The following NEUROD1 variants were observed in gnomAD, a reference collection of about 807,000 sequenced individuals.
NEUROD1 encodes the protein neuronal differentiation 1.
NEUROD1 carries 9 observed loss-of-function variants against 21.8 expected under a neutral mutation model. The observed-to-expected ratio is 0.41, with a 90% CI of 0.25 to 0.72. NEUROD1 has a LOEUF of 0.72. Among genes scored for constraint, NEUROD1 ranks in the 30% least tolerant of loss-of-function variants. NEUROD1 has a pLI of 0.31. For synonymous variants in NEUROD1, 199 were observed against 186.2 expected (o/e 1.07, Z -0.56); for missense variants, 434 against 468.8 (o/e 0.93, Z 0.69).
chr2:181,672,404 G>T (rs1045030949), downstream of NEUROD1, among the ~76,000 whole-genome samples: 1 of 152,336 alleles, frequency 6.6e-6, no homozygotes, highest in Non-Finnish European at 1.5e-5. Context: ...GTGCTCTTCA[G>T]TTCCCTTGGA....
Position 181,677,218 on chromosome 2 carries a change from GTTAAATTATT to G in NEUROD1, c.*562_*571del, listed in dbSNP as rs1248811153. 1 of 128,794 alleles carries G rather than the reference GTTAAATTATT, an allele frequency of 7.8e-6. No individual in the cohort carries two copies. Among genetic ancestry groups the G allele is most frequent in the East Asian group, 2.6e-4 (1 of 3,906 alleles). 8.0% of individuals were successfully genotyped at this position (128,794 alleles called of 1,614,324 possible). A position where few individuals can be genotyped will look rare whatever the true frequency, so the allele number is the denominator to read the frequency against. On this transcript the variant is annotated 3_prime_UTR_variant, in exon 2 of 2. Coordinates refer to ENST00000295108, the MANE Select transcript of NEUROD1 (RefSeq NM_002500.5). ...AGCACTTTTCTGCTGGTTTAAATTA[GTTAAATTATT>G]TTGTATAAATTAGATATAATTCTAC...
At chr2:181,672,372 A>T (rs955818350), downstream of NEUROD1, among the ~76,000 whole-genome samples, 1 of 152,230 alleles carries the variant, frequency 6.6e-6, no homozygotes, top group Non-Finnish European at 1.5e-5. Context: ...TGGTTAAGGC[A>T]ACAGGCTTTA....
At position 181,680,464 on chromosome 2, in the gene NEUROD1, T is replaced by C. The variant is rs1485327401; in HGVS notation, c.-46A>G. The C allele has an allele frequency of 1.3e-5, 2 of 152,328 alleles. No individual in the cohort carries two copies. Among genetic ancestry groups the C allele is most frequent in the Non-Finnish European group, 2.9e-5 (2 of 68,094 alleles). 9.4% of individuals were successfully genotyped at this position (152,328 alleles called of 1,614,324 possible). On this transcript the variant is annotated 5_prime_UTR_variant, in exon 1 of 2. Coordinates refer to ENST00000295108, the MANE Select transcript of NEUROD1 (RefSeq NM_002500.5). ...TAGTAGGTCCTGAGCAGTGATAGTCTCATAACCCTGGGGCCTCCGGACGCC... is the reference window on the plus strand; with the variant it reads ...TAGTAGGTCCTGAGCAGTGATAGTCCCATAACCCTGGGGCCTCCGGACGCC...
In NEUROD1 at chr2:181,677,995, G is replaced by A; in HGVS notation, c.866C>T (p.Pro289Leu). ...INGNFSFKHE[P>L]SAEFEKNYAF... ...ATAATTTTTCTCAAACTCGGCGGAC[G>A]GTTCGTGTTTGAAAGAGAAGTTGCC... The change falls in exon 2 of 2, where the codon CCG becomes CTG. Residue 289 changes from proline (P) to leucine (L), a missense_variant. Physicochemically the swap from Pro to Leu is moderately conservative, Grantham distance 98. Coordinates refer to ENST00000295108, the MANE Select transcript of NEUROD1 (RefSeq NM_002500.5). The A allele has an allele frequency of 6.2e-7, 1 of 1,614,180 alleles. No homozygotes were observed. The highest frequency in any genetic ancestry group is 2.2e-5 in the East Asian group (1 of 44,892).
chr2:181,672,529 T>C (rs891155975), downstream of NEUROD1, among the ~76,000 whole-genome samples: 3 of 152,196 alleles, frequency 2.0e-5, no homozygotes, highest in Non-Finnish European at 4.4e-5. Flanking sequence ...TAGAGATAGA[T>C]AGTTTAAAAT....
chr2:181,669,273 C>A (rs375527448), downstream of NEUROD1, among the ~76,000 whole-genome samples: 64 of 152,246 alleles, frequency 4.2e-4, no homozygotes, highest in African/African-American at 1.5e-3. Context: ...TACTTAGAGG[C>A]GTAGGGATGG....
chr2:181,678,388 C>A lies in NEUROD1; in HGVS notation c.473G>T (p.Arg158Leu). The A allele has an allele frequency of 6.2e-7, 1 of 1,614,180 alleles. No homozygotes were observed. Among genetic ancestry groups the A allele is most frequent in the Non-Finnish European group, 8.5e-7 (1 of 1,180,044 alleles). The change falls in exon 2 of 2, where the codon CGC (arginine) becomes CTC (leucine). Residue 158 changes from arginine (R) to leucine (L), a missense_variant. Transcript: ENST00000295108. The surrounding 1 kb of genome is among the most constrained non-coding windows in gnomAD (Gnocchi z 5.5). ...GACCAGGTCTGGGCTTTTGCCTGAGCGCAGGATCTCCGACAGAGCCCAGAT... is the reference window on the plus strand; with the variant it reads ...GACCAGGTCTGGGCTTTTGCCTGAGAGCAGGATCTCCGACAGAGCCCAGAT... ...NYIWALSEIL[R>L]SGKSPDLVSF...
At position 181,678,580 on chromosome 2, in the gene NEUROD1, G is replaced by A. The variant is rs754294933; in HGVS notation, c.281C>T (p.Ala94Val). The A allele has an allele frequency of 1.9e-6, 3 of 1,614,222 alleles. No individual in the cohort carries two copies. The highest frequency in any genetic ancestry group is 2.5e-6 in the Non-Finnish European group (3 of 1,180,046). ...RGPKKKKMTK[A>V]RLERFKLRRM... ...TCTCAATTTAAAACGCTCCAGGCGA[G>A]CCTTAGTCATCTTCTTCTTTTTGGG... Residue 94 changes from alanine to valine, a missense_variant, in exon 2 of 2, where the codon GCT becomes GTT. Coordinates refer to ENST00000295108, the MANE Select transcript of NEUROD1 (RefSeq NM_002500.5). This position sits in a 1 kb window ranked among gnomAD's most constrained non-coding sequence, Gnocchi z 5.5.
rs775767126 is a variant in NEUROD1, at chr2:181,678,039, G to A, written c.822C>T (p.Ser274=). ...AGTTGCCATTGATGCTGAGCGGCGG[G>A]CTGAGGGGTCCATCAAAGGAAGGGC... ...CTSPSFDGPL[S]PPLSINGNFS... is the part of the protein sequence containing the mutation. Residue 274 remains serine (S), a synonymous_variant, in exon 2 of 2, where the codon AGC becomes AGT. Coordinates refer to ENST00000295108, the MANE Select transcript of NEUROD1 (RefSeq NM_002500.5). The surrounding 1 kb of genome is among the most constrained non-coding windows in gnomAD (Gnocchi z 5.5). The A allele has an allele frequency of 6.2e-6, 10 of 1,614,216 alleles. No homozygotes were observed. In the South Asian group the frequency reaches 1.1e-4, roughly 18 times the overall value.
chr2:181,674,414 A>G (rs1200570504), downstream of NEUROD1, among the ~76,000 whole-genome samples: 1 of 152,194 alleles, frequency 6.6e-6, no homozygotes, highest in Non-Finnish European at 1.5e-5. Flanking sequence ...CAAACTGGGT[A>G]TAAGCATTAG....
At chr2:181,674,297 C>T (rs182860376), downstream of NEUROD1, among the ~76,000 whole-genome samples, 80 of 152,254 alleles carry the variant, frequency 5.3e-4, 1 homozygote, top group Non-Finnish European at 9.4e-4. Flanking sequence ...TTATTCATGA[C>T]AAGCATTAAA....
At chr2:181,671,452 C>T (rs1324995145) in exon 2 of NEUROD1, among the ~76,000 whole-genome samples, 1 of 151,370 alleles carries the variant, frequency 6.6e-6, no homozygotes, top group African/African-American at 2.4e-5. Context: ...TTTTTTGAGA[C>T]AGGGTCTCAC....
chr2:181,674,258 A>G (rs996471133), downstream of NEUROD1, among the ~76,000 whole-genome samples: 1 of 152,236 alleles, frequency 6.6e-6, no homozygotes, highest in Non-Finnish European at 1.5e-5. Context: ...TCGTGGCTCA[A>G]GATGAAGAAA....
At chr2:181,679,193 A>T (rs1336694130) in intron 1 of NEUROD1, among the ~76,000 whole-genome samples, 1 of 151,962 alleles carries the variant, frequency 6.6e-6, no homozygotes, top group Non-Finnish European at 1.5e-5. Flanking sequence ...CCGACAGGAT[A>T]ATGTGTGTGG....
chr2:181,677,788 C>T lies in NEUROD1; in HGVS notation c.*2G>A, dbSNP rs1347693477. ...CCCGGAAATGGTGAAACTGGCGTGC[C>T]TCTAATCATGAAATATGGCATTGAG... On this transcript the variant is annotated 3_prime_UTR_variant, in exon 2 of 2. Transcript: ENST00000295108. 2 of 1,614,010 alleles carry T rather than the reference C, an allele frequency of 1.2e-6. No individual in the cohort carries two copies. Among genetic ancestry groups the T allele is most frequent in the Non-Finnish European group, 1.7e-6 (2 of 1,180,038 alleles).
rs1688602853 is a variant in NEUROD1, at chr2:181,677,565, A to AT, written c.*224dup. 2.9e-6 allele frequency: 2 copies of AT among 691,474 alleles called. No homozygotes were observed. The highest frequency in any genetic ancestry group is 3.1e-5 in the Admixed American group (1 of 32,516). 42.8% of individuals were successfully genotyped at this position (691,474 alleles called of 1,614,324 possible). ...TTTTTAAACTTTACTGTATTTTTTTATTTTTTAAATAGAAGAGCTATAGAA... is the reference window on the plus strand; with the variant it reads ...TTTTTAAACTTTACTGTATTTTTTTATTTTTTTAAATAGAAGAGCTATAGAA... On this transcript the variant is annotated 3_prime_UTR_variant, in exon 2 of 2. Transcript: ENST00000295108.
chr2:181,669,208 C>A (rs1688463162), downstream of NEUROD1, among the ~76,000 whole-genome samples: 1 of 152,112 alleles, frequency 6.6e-6, no homozygotes, highest in South Asian at 2.1e-4. Flanking sequence ...TTGTATCAGG[C>A]AATTCTTGTG....
At chr2:181,673,026 T>C (rs1688518828), downstream of NEUROD1, 1 of 152,246 alleles carries the variant, frequency 6.6e-6, no homozygotes, top group East Asian at 1.9e-4. Context: ...TAGAGATGGT[T>C]ATTGTCACCA....
rs761928057 is a variant in NEUROD1 at position 181,678,582 on chromosome 2, C to T, written c.279G>A (p.Lys93=). Residue 93 remains lysine (K), a synonymous_variant, in exon 2 of 2, where the codon AAG becomes AAA. Coordinates refer to ENST00000295108, the MANE Select transcript of NEUROD1 (RefSeq NM_002500.5). This position sits in a 1 kb window ranked among gnomAD's most constrained non-coding sequence, Gnocchi z 5.5. ...RRGPKKKKMT[K]ARLERFKLRR... is the part of the protein sequence containing the mutation. ...TCAATTTAAAACGCTCCAGGCGAGCCTTAGTCATCTTCTTCTTTTTGGGGC... is the reference window on the plus strand; with the variant it reads ...TCAATTTAAAACGCTCCAGGCGAGCTTTAGTCATCTTCTTCTTTTTGGGGC... The T allele has an allele frequency of 3.1e-6, 5 of 1,613,920 alleles. No individual in the cohort carries two copies. In the South Asian group the frequency reaches 4.4e-5, roughly 14 times the overall value.
Sources: gnomAD v4.1 joint callset for allele counts (sites outside exome capture counted in the v4.1 genomes callset) on GRCh38, gnomAD v4.1.1 for gene constraint, Gnocchi (gnomAD v3.1) non-coding constraint, MANE v1.5 for transcripts, NCBI Gene and HGNC (gene_info 2026-07-23, HGNC 2026-07-21) for gene names.